The following ANOS1 variants were observed in gnomAD, a reference collection of about 807,000 sequenced individuals.
ANOS1 encodes the protein anosmin 1, also known as anosmin-1.
ANOS1 carries 6 observed loss-of-function variants against 59.0 expected under a neutral mutation model. The ratio of observed to expected loss-of-function variants is 0.10; its 90% CI spans 0.06 to 0.20. ANOS1 has a LOEUF of 0.20. Ranked by LOEUF, ANOS1 falls within the 10% of genes least tolerant of loss-of-function variation. The pLI is 1.00. For missense variants in ANOS1, 433 were observed against 542.3 expected (o/e 0.80, Z 2.00); for synonymous variants, 217 against 223.4 (o/e 0.97, Z 0.25).
intron 9 of ANOS1, among the ~76,000 whole-genome samples, chrX:8,549,061 C>A (rs1412186786): frequency 2.9e-4 from 32 of 111,838 alleles, no homozygotes; most frequent in Non-Finnish European, 3.8e-5. Context: ...CTTTTGGAAC[C>A]CAAATCAAGG....
chrX:8,728,447 T>A (rs964336647), intron 1 of ANOS1, among the ~76,000 whole-genome samples: 1 of 111,716 alleles, frequency 9.0e-6, no homozygotes, highest in African/African-American at 3.3e-5. Context: ...ACTGGGCATA[T>A]GAAGGGTTAA....
At chrX:8,710,155 C>A (rs1426991853) in intron 1 of ANOS1, among the ~76,000 whole-genome samples, 1 of 111,456 alleles carries the variant, frequency 9.0e-6, no homozygotes, top group Non-Finnish European at 1.9e-5. Flanking sequence ...TGGTCTCGAT[C>A]TCCTGACCTC....
intron 6 of ANOS1, among the ~76,000 whole-genome samples, chrX:8,575,672 G>T (rs766039337): frequency 2.6e-4 from 29 of 111,857 alleles, no homozygotes; most frequent in Non-Finnish European, 4.7e-4. Flanking sequence ...TGCATTAAAA[G>T]ATATGAATTA....
At chrX:8,576,222 T>C (rs1473178724) in intron 6 of ANOS1, among the ~76,000 whole-genome samples, 2 of 111,102 alleles carry the variant, frequency 1.8e-5, no homozygotes, top group Non-Finnish European at 3.8e-5. Flanking sequence ...ATTTATTCAC[T>C]ATGGGGTTCA....
chrX:8,571,017 G>A (rs768101444), intron 6 of ANOS1, among the ~76,000 whole-genome samples: 5 of 107,770 alleles, frequency 4.6e-5, no homozygotes, highest in East Asian at 5.9e-4. Flanking sequence ...AAGCTGAGGC[G>A]GAAGGAGCGC....
chrX:8,552,163 T>C (rs369558288), intron 9 of ANOS1, among the ~76,000 whole-genome samples: 8 of 112,304 alleles, frequency 7.1e-5, no homozygotes, highest in Admixed American at 4.7e-4. Context: ...ACTATGAACA[T>C]ACCAGAAAGG....
intron 11 of ANOS1, 135 bp from the exon 12 acceptor site, chrX:8,535,946 A>G: frequency 2.0e-5 from 11 of 536,945 alleles, no homozygotes; most frequent in Non-Finnish European, 3.3e-6. Flanking sequence ...TTCTTTAAAC[A>G]TGGGTTCAGA....
chrX:8,561,592 G>A (rs1306066496), intron 8 of ANOS1, among the ~76,000 whole-genome samples: 1 of 107,585 alleles, frequency 9.3e-6, no homozygotes, highest in Non-Finnish European at 1.9e-5. Flanking sequence ...TGGGATTACA[G>A]GCGTGAGCCA....
intron 2 of ANOS1, among the ~76,000 whole-genome samples, chrX:8,635,464 G>A (rs1931557297): frequency 9.0e-6 from 1 of 111,680 alleles, no homozygotes; most frequent in African/African-American, 3.3e-5. Flanking sequence ...AGACAGAGCA[G>A]TAAAGGAGGG....
At chrX:8,654,636 C>T (rs1304359019) in intron 2 of ANOS1, among the ~76,000 whole-genome samples, 2 of 111,932 alleles carry the variant, frequency 1.8e-5, no homozygotes, top group Non-Finnish European at 3.8e-5. Context: ...GAAGAGCCCA[C>T]CCTGTGATTC....
At position 8,678,895 on chromosome X, in the gene ANOS1, A is replaced by C. The variant is rs145041872; in HGVS notation, c.255+20803T>G. 2.4e-3 allele frequency among the ~76,000 whole-genome samples: 267 copies of C among 111,787 alleles called. 6 individuals carry two copies. The East Asian group carries it at 0.06, about 25-fold the overall frequency. ...CAAGGAGATGCCAAACGATCTGGGG[A>C]GACAGACACATAAACAAGTTACCCA... On this transcript the variant is annotated intron_variant, in intron 2 of 13. Transcript: ENST00000262648.
At chrX:8,610,303 T>C (rs936797412) in intron 3 of ANOS1, among the ~76,000 whole-genome samples, 6 of 111,651 alleles carry the variant, frequency 5.4e-5, no homozygotes, top group Admixed American at 4.8e-4. Context: ...CATTGGACAA[T>C]AGGTAGCACA....
intron 2 of ANOS1, among the ~76,000 whole-genome samples, chrX:8,663,682 T>C (rs909421169): frequency 1.4e-4 from 16 of 111,684 alleles, no homozygotes; most frequent in Non-Finnish European, 1.3e-4. Context: ...ATGTGATCCA[T>C]GAAGTACTGT....
intron 2 of ANOS1, among the ~76,000 whole-genome samples, chrX:8,679,134 A>G (rs772282611): frequency 4.5e-5 from 5 of 112,011 alleles, no homozygotes; most frequent in African/African-American, 1.6e-4. Context: ...AAACAGTTAT[A>G]AAATCATGGG....
chrX:8,710,617 C>T (rs1317839114), intron 1 of ANOS1, among the ~76,000 whole-genome samples: 1 of 111,683 alleles, frequency 9.0e-6, no homozygotes, highest in Admixed American at 9.5e-5. Context: ...ATGTCATTGT[C>T]TCATAATACA....
chrX:8,655,838 C>T (rs1418057248), intron 2 of ANOS1, among the ~76,000 whole-genome samples: 2 of 112,410 alleles, frequency 1.8e-5, no homozygotes, highest in Non-Finnish European at 3.8e-5. Context: ...TTAGCAAAGG[C>T]TCTAGCAATT....
At chrX:8,618,602 A>G (rs895295395) in intron 3 of ANOS1, among the ~76,000 whole-genome samples, 1 of 112,459 alleles carries the variant, frequency 8.9e-6, no homozygotes, top group Non-Finnish European at 1.9e-5. Flanking sequence ...GAGGCAAGTC[A>G]TAAACAATGA....
intron 1 of ANOS1, among the ~76,000 whole-genome samples, chrX:8,712,725 G>A (rs1326611875): frequency 8.9e-6 from 1 of 112,254 alleles, no homozygotes; most frequent in Non-Finnish European, 1.9e-5. Context: ...CAGCAAGTGG[G>A]TGTATCATAA....
intron 2 of ANOS1, among the ~76,000 whole-genome samples, chrX:8,638,238 T>C (rs1254263248): frequency 2.7e-5 from 3 of 112,587 alleles, no homozygotes; most frequent in Admixed American, 9.4e-5. Context: ...ACTAAGATGA[T>C]ACATGTGAAC....
Sources: allele counts gnomAD v4.1 joint callset (sites outside exome capture counted in the v4.1 genomes callset), GRCh38; gene constraint gnomAD v4.1.1; transcripts MANE v1.5; gene names NCBI Gene and HGNC (gene_info 2026-07-23, HGNC 2026-07-21).